FHIP1B: variants seen among roughly 807,000 people sequenced by gnomAD.
FHIP1B encodes the protein FHF complex subunit HOOK-interacting protein 1B.
A neutral mutation model predicts 82.2 loss-of-function variants in FHIP1B; 28 were observed. That is an observed-to-expected ratio of 0.34 (90% CI 0.25 to 0.47). The LOEUF is 0.47. Ranked by LOEUF, FHIP1B falls within the 20% of genes least tolerant of loss-of-function variation. The probability of loss-of-function intolerance (pLI) is 1.00; values close to 1 mark genes in which losing one functional copy is unlikely to be tolerated. For synonymous variants in FHIP1B, 585 were observed against 516.1 expected (o/e 1.13, Z -1.81); for missense variants, 1,110 against 1,262.6 (o/e 0.88, Z 1.83).
chr11:6,223,675 T>C lies in FHIP1B; in HGVS notation c.712A>G (p.Met238Val), dbSNP rs751464740. The change falls in exon 3 of 12, where the codon ATG becomes GTG. Residue 238 changes from methionine (M) to valine (V), a missense_variant. Met to Val is a conservative substitution (Grantham distance 21). Coordinates refer to ENST00000449352, the MANE Select transcript of FHIP1B (RefSeq NM_001098794.2). This position sits in a 1 kb window ranked among gnomAD's most constrained non-coding sequence, Gnocchi z 4.8. ...QQARDALLLL[M>V]ALSAGSPTVG... Reference sequence around the variant, plus strand: ...GTGGGGCTCCCAGCTGACAAAGCCATGAGAAGAAGTAGGGCATCACGGGCC... The same window carrying C: ...GTGGGGCTCCCAGCTGACAAAGCCACGAGAAGAAGTAGGGCATCACGGGCC... The C allele has an allele frequency of 6.2e-7, 1 of 1,613,102 alleles. No homozygotes were observed. The highest frequency in any genetic ancestry group is 1.7e-5 in the Admixed American group (1 of 59,928).
chr11:6,229,636 A>T (rs1847646982), intron 1 of FHIP1B, among the ~76,000 whole-genome samples: 2 of 152,184 alleles, frequency 1.3e-5, no homozygotes, highest in South Asian at 4.1e-4. Flanking sequence ...CTTGCAGTAT[A>T]CCTGAGGTGC....
rs1421939560 is a variant in FHIP1B at position 6,226,871 on chromosome 11, G to A, written c.-191-2164C>T. Among the ~76,000 whole-genome samples, 3 of 152,278 alleles carry A rather than the reference G, an allele frequency of 2.0e-5. No individual in the cohort carries two copies. The East Asian group carries it at 5.8e-4, about 29-fold the overall frequency. On this transcript the variant is annotated intron_variant, in intron 1 of 11. Transcript: ENST00000449352. ...AATACATCAGGTAACAGAATAAGAT[G>A]GAGCAGAGAGAGATGGATTGCAGTG...
chr11:6,213,218 T>A (rs1010085993), intron 11 of FHIP1B, among the ~76,000 whole-genome samples: 6 of 152,264 alleles, frequency 3.9e-5, no homozygotes, highest in African/African-American at 7.2e-5. Flanking sequence ...GTAACTTTTA[T>A]GGTACTCTCT....
intron 1 of FHIP1B, among the ~76,000 whole-genome samples, chr11:6,229,051 T>A (rs943206377): frequency 2.7e-4 from 41 of 152,224 alleles, no homozygotes; most frequent in Non-Finnish European, 2.1e-4. Context: ...CAAACCCAGC[T>A]TGAGCTATCT....
chr11:6,218,084 C>G lies in FHIP1B; in HGVS notation c.1502G>C (p.Arg501Pro), dbSNP rs199932613. ...TTVPRPSTPS[R>P]LALFLRQQSL... ...CTGCTGCCGCAGGAAGAGAGCCAGACGAGATGGTGTGGAGGGCCGGGGTAC... is the reference window on the plus strand; with the variant it reads ...CTGCTGCCGCAGGAAGAGAGCCAGAGGAGATGGTGTGGAGGGCCGGGGTAC... Residue 501 changes from arginine (R) to proline (P), a missense_variant, in exon 9 of 12, where the codon CGT becomes CCT. Physicochemically the swap from Arg to Pro is moderately radical, Grantham distance 103. Transcript: ENST00000449352. 3 of 1,613,678 alleles carry G rather than the reference C, an allele frequency of 1.9e-6. No homozygotes were observed. Among genetic ancestry groups the G allele is most frequent in the Admixed American group, 1.7e-5 (1 of 59,956 alleles).
chr11:6,231,516 G>A (rs1334363812), intron 1 of FHIP1B, among the ~76,000 whole-genome samples: 1 of 147,856 alleles, frequency 6.8e-6, no homozygotes, highest in East Asian at 2.0e-4. Flanking sequence ...TGTCACCCAG[G>A]CTGAAGTGCA....
rs570453725 is a variant in FHIP1B at position 6,218,237 on chromosome 11, C to T, written c.1436-87G>A. On this transcript the variant is annotated intron_variant, in intron 8 of 11. Coordinates refer to ENST00000449352, the MANE Select transcript of FHIP1B (RefSeq NM_001098794.2). ...CACCTCGGGAGACTAAGAAAGAAGA[C>T]AATGGGGAGGCAGAAACATGGAATC... 4.8e-6 allele frequency: 7 copies of T among 1,472,800 alleles called. No homozygotes were observed. In the African/African-American group the frequency reaches 7.1e-5, roughly 15 times the overall value. 91.2% of individuals were successfully genotyped at this position (1,472,800 alleles called of 1,614,324 possible).
intron 6 of FHIP1B, 88 bp downstream of exon 6, chr11:6,222,354 A>G: frequency 1.4e-6 from 2 of 1,450,172 alleles, no homozygotes; most frequent in African/African-American, 2.8e-5. Flanking sequence ...ATACAGGCAA[A>G]AGAAGGGCAG....
intron 1 of FHIP1B, among the ~76,000 whole-genome samples, chr11:6,229,617 T>G (rs904939186): frequency 3.9e-5 from 6 of 152,194 alleles, no homozygotes; most frequent in African/African-American, 7.2e-5. Context: ...AAACATTAAC[T>G]GCTCCTACCT....
intron 1 of FHIP1B, among the ~76,000 whole-genome samples, chr11:6,228,265 G>A (rs559554358): frequency 2.0e-5 from 3 of 152,034 alleles, no homozygotes; most frequent in East Asian, 1.9e-4. Context: ...CAGGAGAATC[G>A]CTTGAACCCA....
In FHIP1B at chr11:6,223,289, A is replaced by C. The variant is rs1847467451; in HGVS notation, c.778-51T>G. On this transcript the variant is annotated intron_variant, in intron 3 of 11. Coordinates refer to ENST00000449352, the MANE Select transcript of FHIP1B (RefSeq NM_001098794.2). This position sits in a 1 kb window ranked among gnomAD's most constrained non-coding sequence, Gnocchi z 4.8. ...ATATAAAATACATTTATAAAATATA[A>C]AAACTGGAACAGGGGAGCTAGTAAT... 1.9e-6 allele frequency: 3 copies of C among 1,540,594 alleles called. No individual in the cohort carries two copies. Among genetic ancestry groups the C allele is most frequent in the Non-Finnish European group, 2.6e-6 (3 of 1,145,168 alleles).
chr11:6,217,727 G>GC lies in FHIP1B; in HGVS notation c.1858dup (p.Ala620GlyfsTer25). ...ACCAGGGCCCTCCCCTGCACCCCCA[G>GC]CCCGCCCCCTCCTCCCCAGCTCTTC... On this transcript the variant is annotated frameshift_variant, in exon 9 of 12. Coordinates refer to ENST00000449352, the MANE Select transcript of FHIP1B (RefSeq NM_001098794.2). LOFTEE classifies it high-confidence loss of function. The GC allele has an allele frequency of 5.6e-6, 5 of 884,988 alleles. No homozygotes were observed. Among genetic ancestry groups the GC allele is most frequent in the South Asian group, 2.7e-5 (2 of 72,808 alleles). 54.8% of individuals were successfully genotyped at this position (884,988 alleles called of 1,614,324 possible). A position where few individuals can be genotyped will look rare whatever the true frequency, so the allele number is the denominator to read the frequency against.
At chr11:6,220,129 A>G (rs935358708) in intron 6 of FHIP1B, among the ~76,000 whole-genome samples, 4 of 152,140 alleles carry the variant, frequency 2.6e-5, no homozygotes, top group Non-Finnish European at 4.4e-5. Context: ...AGTATCCTAG[A>G]TGAGATTATC....
intron 6 of FHIP1B, among the ~76,000 whole-genome samples, chr11:6,220,614 G>A (rs2133812422): frequency 6.6e-6 from 1 of 152,294 alleles, no homozygotes; most frequent in Middle Eastern, 3.4e-3. Flanking sequence ...GCATCTACAT[G>A]TTTAACACGG....
At position 6,224,141 on chromosome 11, in the gene FHIP1B, C is replaced by G; in HGVS notation, c.246G>C (p.Glu82Asp). ...TGGGGGCCGAGGGAACTGCACGGTC[C>G]TCTGCCAGCAGTGTCAACATCTGGT... ...HTYQMLTLLAEDRAVPSAPTG... is the reference protein window; with the variant it reads ...HTYQMLTLLADDRAVPSAPTG... Residue 82 changes from glutamate (E) to aspartate (D), a missense_variant, in exon 3 of 12, where the codon GAG (glutamate) becomes GAC (aspartate). By Grantham distance (45) the Glu-to-Asp change is conservative. Around this residue, in one of 6 missense-constraint regions of FHIP1B, gnomAD observed 467 missense variants for 602.9 expected, o/e 0.77. Coordinates refer to ENST00000449352, the MANE Select transcript of FHIP1B (RefSeq NM_001098794.2). The G allele has an allele frequency of 6.2e-7, 1 of 1,614,140 alleles. No individual in the cohort carries two copies. The highest frequency in any genetic ancestry group is 8.5e-7 in the Non-Finnish European group (1 of 1,180,014).
chr11:6,216,899 A>G, intron 9 of FHIP1B: 2 of 599,130 alleles, frequency 3.3e-6, no homozygotes, highest in Admixed American at 3.0e-5. Context: ...CAGAAGGTTA[A>G]CCTTAGGCCC....
intron 6 of FHIP1B, 144 bp downstream of exon 6, chr11:6,222,298 A>T: frequency 3.5e-6 from 3 of 868,012 alleles, no homozygotes; most frequent in Non-Finnish European, 5.5e-6. Context: ...TTAAAAGTTT[A>T]ATGCTGGAAA....
chr11:6,214,366 G>A (rs767718371), intron 11 of FHIP1B, 45 bp downstream of exon 11: 3 of 1,548,854 alleles, frequency 1.9e-6, no homozygotes, highest in Non-Finnish European at 2.6e-6. Flanking sequence ...GGGTTAATAG[G>A]CTATCTAGGG....
At chr11:6,220,212 A>T (rs1446412267) in intron 6 of FHIP1B, among the ~76,000 whole-genome samples, 1 of 152,170 alleles carries the variant, frequency 6.6e-6, no homozygotes, top group East Asian at 1.9e-4. Context: ...TGAGCCAAGG[A>T]ATCTGGTTGC....
Sources: gnomAD v4.1 joint callset for allele counts (sites outside exome capture counted in the v4.1 genomes callset) on GRCh38, gnomAD v4.1.1 for gene constraint, gnomAD v4.1.1 regional missense constraint, Gnocchi (gnomAD v3.1) non-coding constraint, MANE v1.5 for transcripts, NCBI Gene and HGNC (gene_info 2026-07-23, HGNC 2026-07-21) for gene names.